Variants in CNBD1 observed in about 807,000 individuals in gnomAD.
The protein encoded by CNBD1 is cyclic nucleotide-binding domain-containing protein 1.
A neutral mutation model predicts 54.4 loss-of-function variants in CNBD1; 71 were observed. The observed-to-expected ratio is 1.30, with a 90% CI of 1.08 to 1.59. The LOEUF (loss-of-function observed/expected upper bound fraction) is 1.59. Ranked by LOEUF, CNBD1 falls within the 40% of genes most tolerant of loss-of-function variation. CNBD1 has a pLI of 0.00. For missense variants in CNBD1, 659 were observed against 518.0 expected, an observed-to-expected ratio of 1.27 and a Z score of -2.64; for synonymous variants, 182 against 170.7, an observed-to-expected ratio of 1.07 and a Z score of -0.51.
chr8:87,398,718 G>T (rs1422861935), intron 2 of CNBD1, among the ~76,000 whole-genome samples: 8 of 151,952 alleles, frequency 5.3e-5, no homozygotes, highest in African/African-American at 1.9e-4. Flanking sequence ...TGTCTTAGAA[G>T]TTTAAATTCA....
chr8:87,329,372 A>G (rs927768388), intron 8 of CNBD1, among the ~76,000 whole-genome samples: 1 of 151,982 alleles, frequency 6.6e-6, no homozygotes. Flanking sequence ...TCAATATTGT[A>G]TTGGCTATTC....
At chr8:87,307,962 T>C (rs984017452) in intron 8 of CNBD1, among the ~76,000 whole-genome samples, 3 of 152,106 alleles carry the variant, frequency 2.0e-5, no homozygotes, top group East Asian at 1.9e-4. Context: ...CTAATCTCAC[T>C]AGGATTGTAT....
intron 4 of CNBD1, among the ~76,000 whole-genome samples, chr8:87,029,627 A>C (rs1463335258): frequency 6.6e-6 from 1 of 152,198 alleles, no homozygotes; most frequent in East Asian, 1.9e-4. Context: ...CAGATAAAGC[A>C]GTAAAAAGTG....
chr8:87,005,111 C>A (rs1242093529), intron 4 of CNBD1, among the ~76,000 whole-genome samples: 2 of 151,564 alleles, frequency 1.3e-5, no homozygotes, highest in Non-Finnish European at 2.9e-5. Flanking sequence ...CAGCAGGGCA[C>A]GGTGGCTCAC....
chr8:87,140,527 G>T (rs1812350802), intron 4 of CNBD1, among the ~76,000 whole-genome samples: 1 of 152,028 alleles, frequency 6.6e-6, no homozygotes, highest in African/African-American at 2.4e-5. Context: ...AGCCTTGATG[G>T]CTTAAGTAAT....
chr8:87,373,606 T>C (rs1810864738), intron 10 of CNBD1, among the ~76,000 whole-genome samples: 1 of 151,782 alleles, frequency 6.6e-6, no homozygotes, highest in Non-Finnish European at 1.5e-5. Flanking sequence ...ATTTAGGAAA[T>C]AGTTTGTATG....
chr8:87,127,772 C>G (rs1230902331), intron 4 of CNBD1, among the ~76,000 whole-genome samples: 1 of 152,058 alleles, frequency 6.6e-6, no homozygotes, highest in African/African-American at 2.4e-5. Flanking sequence ...AGTATTTCAG[C>G]TGTAGGTGAT....
At chr8:86,962,880 C>G (rs1283899697) in intron 4 of CNBD1, among the ~76,000 whole-genome samples, 1 of 152,090 alleles carries the variant, frequency 6.6e-6, no homozygotes, top group Admixed American at 6.5e-5. Context: ...CTTCTGGGTT[C>G]CCTTCCCCTG....
At chr8:86,882,623 G>A (rs189718939) in intron 1 of CNBD1, among the ~76,000 whole-genome samples, 2 of 152,134 alleles carry the variant, frequency 1.3e-5, no homozygotes, top group African/African-American at 4.8e-5. Context: ...ATTCCTCAAA[G>A]ACCTAAAGAC....
intron 2 of CNBD1, among the ~76,000 whole-genome samples, chr8:87,427,080 CAA>C (rs1225269825): frequency 6.6e-6 from 1 of 152,026 alleles, no homozygotes; most frequent in Non-Finnish European, 1.5e-5. Context: ...GAAGGGAAAA[CAA>C]AGTCAGCAGC....
rs546706918 is a variant in CNBD1, at chr8:86,958,583, C to T, written c.431+18829C>T. Among the ~76,000 whole-genome samples, 20 of 152,136 alleles carry T rather than the reference C, an allele frequency of 1.3e-4. No individual in the cohort carries two copies. In the East Asian group the frequency reaches 2.3e-3, roughly 18 times the overall value. ...AATTGATCTCTTTACCATTAGGTAA[C>T]GGCCTTCTTTGTCTCTTTTGGTCTT... On this transcript the variant is annotated intron_variant, in intron 4 of 10. Coordinates refer to ENST00000518476, the MANE Select transcript of CNBD1 (RefSeq NM_173538.3).
downstream of CNBD1, among the ~76,000 whole-genome samples, chr8:87,383,994 T>G (rs1273482813): frequency 1.3e-5 from 2 of 152,072 alleles, no homozygotes; most frequent in African/African-American, 4.8e-5. Flanking sequence ...TACAAGACAT[T>G]AGTATTTTTG....
chr8:86,878,132 C>T (rs964880019), intron 1 of CNBD1, among the ~76,000 whole-genome samples: 10 of 130,018 alleles, frequency 7.7e-5, no homozygotes, highest in Admixed American at 1.5e-4. Context: ...GAGAGAGAGA[C>T]GGAGAAGCAC....
At chr8:87,251,086 G>T (rs1005169312) in intron 6 of CNBD1, among the ~76,000 whole-genome samples, 1 of 151,566 alleles carries the variant, frequency 6.6e-6, no homozygotes, top group Non-Finnish European at 1.5e-5. Flanking sequence ...AACATCACAT[G>T]TACCCCATAA....
chr8:87,130,690 T>G (rs925211861), intron 4 of CNBD1, among the ~76,000 whole-genome samples: 1 of 151,780 alleles, frequency 6.6e-6, no homozygotes, highest in Non-Finnish European at 1.5e-5. Context: ...GGTGGGAGGA[T>G]TGCTTGAGCC....
At chr8:87,311,196 T>G (rs1376626019) in intron 8 of CNBD1, among the ~76,000 whole-genome samples, 2 of 151,888 alleles carry the variant, frequency 1.3e-5, no homozygotes, top group African/African-American at 4.8e-5. Flanking sequence ...TCACAAACAA[T>G]ATATCCAACA....
chr8:87,404,262 G>T (rs1442553470), intron 2 of CNBD1, among the ~76,000 whole-genome samples: 1 of 151,994 alleles, frequency 6.6e-6, no homozygotes, highest in Non-Finnish European at 1.5e-5. Flanking sequence ...ATGCAATATT[G>T]AATTAGTAGT....
At chr8:87,425,475 G>A (rs949143342) in intron 2 of CNBD1, among the ~76,000 whole-genome samples, 5 of 152,132 alleles carry the variant, frequency 3.3e-5, no homozygotes, top group African/African-American at 1.2e-4. Context: ...CTTTGATGAT[G>A]GTGACGTACA....
At chr8:87,055,962 A>G (rs1179738293) in intron 4 of CNBD1, among the ~76,000 whole-genome samples, 1 of 150,442 alleles carries the variant, frequency 6.6e-6, no homozygotes, top group Non-Finnish European at 1.5e-5. Context: ...ACTTCAGGAT[A>G]CTAAAACAAT....
Sources: allele counts gnomAD v4.1 joint callset (sites outside exome capture counted in the v4.1 genomes callset), GRCh38; gene constraint gnomAD v4.1.1; transcripts MANE v1.5; gene names NCBI Gene and HGNC (gene_info 2026-07-23, HGNC 2026-07-21).